AFG2A: variants seen among roughly 807,000 people sequenced by gnomAD.
AFG2A encodes the protein AAA ATPase AFG2A.
At chr4:123,241,953 G>A in the AFG2A span, among the ~76,000 whole-genome samples, 1 of 152,134 alleles carries the variant, frequency 6.6e-6, no homozygotes. Flanking sequence ...CAAAATCAAT[G>A]TGCAAAAATC....
the AFG2A span, among the ~76,000 whole-genome samples, chr4:123,203,198 C>G: frequency 6.6e-6 from 1 of 151,226 alleles, no homozygotes; most frequent in Non-Finnish European, 1.5e-5. Context: ...ATCGCCCAGG[C>G]TGGAGTGCAG....
At chr4:122,937,854 A>G in the AFG2A span, among the ~76,000 whole-genome samples, 1 of 152,144 alleles carries the variant, frequency 6.6e-6, no homozygotes, top group African/African-American at 2.4e-5. Flanking sequence ...TACTGGGGAG[A>G]GTTCTTAAGA....
chr4:122,947,080 A>T, the AFG2A span, among the ~76,000 whole-genome samples: 1 of 152,174 alleles, frequency 6.6e-6, no homozygotes, highest in Non-Finnish European at 1.5e-5. Flanking sequence ...TTACTAATAA[A>T]AGTAATTGAT....
chr4:123,170,020 A>G, the AFG2A span, among the ~76,000 whole-genome samples: 1 of 152,202 alleles, frequency 6.6e-6, no homozygotes, highest in Non-Finnish European at 1.5e-5. Context: ...AAACAGAGTT[A>G]GGGTTCGTTT....
chr4:123,037,150 T>C, the AFG2A span, among the ~76,000 whole-genome samples: 2 of 151,958 alleles, frequency 1.3e-5, no homozygotes, highest in South Asian at 4.1e-4. Context: ...AAAAAGCCCT[T>C]GGGAGGACTG....
chr4:123,014,076 G>A, the AFG2A span, among the ~76,000 whole-genome samples: 1 of 152,060 alleles, frequency 6.6e-6, no homozygotes, highest in African/African-American at 2.4e-5. Context: ...TTAGCTCCTG[G>A]GCTTAGGGGT....
At chr4:123,291,094 T>C in the AFG2A span, among the ~76,000 whole-genome samples, 2 of 152,226 alleles carry the variant, frequency 1.3e-5, no homozygotes. Context: ...TGTACTATTA[T>C]TGATTTAAAC....
chr4:123,272,834 T>C, the AFG2A span, among the ~76,000 whole-genome samples: 1 of 152,060 alleles, frequency 6.6e-6, no homozygotes, highest in African/African-American at 2.4e-5. Flanking sequence ...AGAGATTAGA[T>C]TGGTAACTAG....
At chr4:122,935,424 T>C in the AFG2A span, among the ~76,000 whole-genome samples, 1 of 152,020 alleles carries the variant, frequency 6.6e-6, no homozygotes, top group Non-Finnish European at 1.5e-5. Context: ...TTTTCGATCA[T>C]TGATCTGTGT....
the AFG2A span, among the ~76,000 whole-genome samples, chr4:123,154,871 G>C: frequency 6.6e-6 from 1 of 152,168 alleles, no homozygotes; most frequent in East Asian, 1.9e-4. Flanking sequence ...CTCAGTAAAG[G>C]TGAGGAAGCA....
chr4:122,923,851 G>A, the AFG2A span, among the ~76,000 whole-genome samples: 1 of 152,150 alleles, frequency 6.6e-6, no homozygotes. Context: ...GTTTTATAGA[G>A]GGAGGAAAGT....
chr4:123,103,947 G>C, the AFG2A span, among the ~76,000 whole-genome samples: 1 of 152,014 alleles, frequency 6.6e-6, no homozygotes. Context: ...AAATCAGTTC[G>C]GGGATCTGAG....
the AFG2A span, among the ~76,000 whole-genome samples, chr4:123,291,090 A>G: frequency 1.3e-5 from 2 of 152,236 alleles, no homozygotes; most frequent in Non-Finnish European, 2.9e-5. Flanking sequence ...CGTTTGTACT[A>G]TTATTGATTT....
At chr4:123,236,390 G>A in the AFG2A span, among the ~76,000 whole-genome samples, 9 of 152,192 alleles carry the variant, frequency 5.9e-5, no homozygotes, top group South Asian at 2.1e-4. Context: ...ACATAGTTAC[G>A]TCTTGTTTTT....
At chr4:123,036,789 G>A in the AFG2A span, among the ~76,000 whole-genome samples, 76 of 152,156 alleles carry the variant, frequency 5.0e-4, no homozygotes, top group Middle Eastern at 6.8e-3. Flanking sequence ...GGAACAGCTC[G>A]AATTCTGTTC....
the AFG2A span, among the ~76,000 whole-genome samples, chr4:123,088,742 G>A: frequency 6.6e-6 from 1 of 152,120 alleles, no homozygotes; most frequent in East Asian, 1.9e-4. Context: ...CTCCTGCCAT[G>A]TGAAGAAAGT....
At chr4:123,121,043 G>C in the AFG2A span, among the ~76,000 whole-genome samples, 10 of 152,046 alleles carry the variant, frequency 6.6e-5, no homozygotes, top group Admixed American at 5.2e-4. Flanking sequence ...GGAAGACAGT[G>C]ATATTGATGA....
At chr4:122,969,837 C>A in the AFG2A span, among the ~76,000 whole-genome samples, 7 of 152,234 alleles carry the variant, frequency 4.6e-5, no homozygotes, top group African/African-American at 1.7e-4. Flanking sequence ...TTTTTGAATG[C>A]ACTTATGAAT....
At chr4:123,158,765 A>G in the AFG2A span, among the ~76,000 whole-genome samples, 2 of 152,232 alleles carry the variant, frequency 1.3e-5, no homozygotes, top group Non-Finnish European at 2.9e-5. Flanking sequence ...GAAGGAAGTC[A>G]GCAAGAAAGG....
Sources: gnomAD v4.1 joint callset for allele counts (sites outside exome capture counted in the v4.1 genomes callset) on GRCh38, gnomAD v4.1.1 for gene constraint, MANE v1.5 for transcripts, NCBI Gene and HGNC (gene_info 2026-07-23, HGNC 2026-07-21) for gene names.